Variants in ADAMTS19 observed in about 807,000 individuals in gnomAD.
ADAMTS19 encodes the protein A disintegrin and metalloproteinase with thrombospondin motifs 19.
In ADAMTS19, 93 loss-of-function variants were observed where a neutral mutation model predicts 153.3. That is an observed-to-expected ratio of 0.61 (90% CI 0.51 to 0.72). ADAMTS19 has a LOEUF of 0.72. ADAMTS19 is among the 30% of genes least tolerant of loss of function. The pLI is 0.00. For missense variants in ADAMTS19, 1,482 were observed against 1,552.1 expected (o/e 0.95, Z 0.76); for synonymous variants, 600 against 556.6 (o/e 1.08, Z -1.10).
chr5:129,684,407 TATG>T (rs1442160491), intron 18 of ADAMTS19, 134 bp downstream of exon 18: 1 of 1,179,322 alleles, frequency 8.5e-7, no homozygotes, highest in Non-Finnish European at 1.2e-6. Flanking sequence ...GAAAGTTTTA[TATG>T]ATATGTTTAG....
chr5:129,633,826 T>G (rs1423392077), intron 10 of ADAMTS19, among the ~76,000 whole-genome samples: 1 of 152,194 alleles, frequency 6.6e-6, no homozygotes, highest in African/African-American at 2.4e-5. Flanking sequence ...TGTGTATGTA[T>G]GGGTCAGTTG....
At chr5:129,686,732 A>G (rs1755109733) in intron 18 of ADAMTS19, among the ~76,000 whole-genome samples, 1 of 152,166 alleles carries the variant, frequency 6.6e-6, no homozygotes, top group Non-Finnish European at 1.5e-5. Flanking sequence ...TGACTCCAGG[A>G]GCATCTTTGC....
intron 3 of ADAMTS19, among the ~76,000 whole-genome samples, chr5:129,516,668 T>C (rs1751622411): frequency 1.3e-5 from 2 of 151,914 alleles, no homozygotes; most frequent in African/African-American, 4.8e-5. Context: ...CTGATTTTAT[T>C]TGTTTGGACC....
chr5:129,599,358 AAT>A (rs1750532128), intron 8 of ADAMTS19, among the ~76,000 whole-genome samples: 1 of 152,156 alleles, frequency 6.6e-6, no homozygotes, highest in South Asian at 2.1e-4. Flanking sequence ...TGTCATCATA[AAT>A]ATAATTCTCA....
In ADAMTS19 at chr5:129,685,247, A is replaced by G. The variant is rs377450957; in HGVS notation, c.2818+974A>G. Among the ~76,000 whole-genome samples the G allele has an allele frequency of 7.5e-4, 114 of 152,182 alleles. 2 individuals carry two copies. In the South Asian group the frequency reaches 0.023, roughly 31 times the overall value. ...TCCATATATTCTTTATCTGTAGACTAATATTGAGTGAAGAGAGAGAGAAGC... is the reference window on the plus strand; with the variant it reads ...TCCATATATTCTTTATCTGTAGACTGATATTGAGTGAAGAGAGAGAGAAGC... On this transcript the variant is annotated intron_variant, in intron 18 of 22. Transcript: ENST00000274487.
intron 10 of ADAMTS19, among the ~76,000 whole-genome samples, chr5:129,638,549 G>A (rs30689): frequency 0.19 from 28,276 of 148,916 alleles, 3,138 homozygotes; most frequent in East Asian, 0.35. Flanking sequence ...TCCTATTTTA[G>A]TACTCTCTGT....
intron 6 of ADAMTS19, among the ~76,000 whole-genome samples, chr5:129,533,500 C>T (rs1008565302): frequency 3.3e-5 from 5 of 152,106 alleles, no homozygotes; most frequent in Admixed American, 2.6e-4. Context: ...CTTCATTAGT[C>T]TTGCGAGTGG....
intron 16 of ADAMTS19, among the ~76,000 whole-genome samples, chr5:129,667,007 C>G (rs1307220871): frequency 6.6e-6 from 1 of 152,168 alleles, no homozygotes; most frequent in Non-Finnish European, 1.5e-5. Flanking sequence ...TTCATGCTGT[C>G]TCCAATTTCT....
At chr5:129,674,444 A>G (rs1471348120) in intron 16 of ADAMTS19, among the ~76,000 whole-genome samples, 1 of 151,976 alleles carries the variant, frequency 6.6e-6, no homozygotes, top group East Asian at 1.9e-4. Context: ...TTTGTTTTCT[A>G]TTTGTTCCAT....
At chr5:129,654,535 A>G in intron 14 of ADAMTS19, 102 bp downstream of exon 14, 2 of 1,333,938 alleles carry the variant, frequency 1.5e-6, no homozygotes, top group Non-Finnish European at 2.1e-6. Context: ...CTTAGATTCA[A>G]AAGATGTTGC....
chr5:129,542,899 G>A (rs1752704070), intron 6 of ADAMTS19, among the ~76,000 whole-genome samples: 1 of 151,990 alleles, frequency 6.6e-6, no homozygotes, highest in African/African-American at 2.4e-5. Context: ...AGACTTTTAA[G>A]GAGTATGGAA....
At chr5:129,567,947 A>G (rs1233983796) in intron 7 of ADAMTS19, among the ~76,000 whole-genome samples, 1 of 152,196 alleles carries the variant, frequency 6.6e-6, no homozygotes, top group Non-Finnish European at 1.5e-5. Context: ...GGAAACAGTG[A>G]TTCCAATGAC....
At chr5:129,470,180 T>G (rs1331964876) in intron 2 of ADAMTS19, among the ~76,000 whole-genome samples, 2 of 152,242 alleles carry the variant, frequency 1.3e-5, no homozygotes, top group African/African-American at 4.8e-5. Flanking sequence ...TCATATAGTA[T>G]TCTTTTAAAT....
At chr5:129,609,795 T>C (rs1322881794) in intron 8 of ADAMTS19, among the ~76,000 whole-genome samples, 1 of 152,152 alleles carries the variant, frequency 6.6e-6, no homozygotes, top group Non-Finnish European at 1.5e-5. Context: ...TTGGAAGAGA[T>C]AGCTTTCTGT....
intron 21 of ADAMTS19, among the ~76,000 whole-genome samples, chr5:129,711,085 G>C (rs1384475220): frequency 6.6e-6 from 1 of 152,094 alleles, no homozygotes; most frequent in African/African-American, 2.4e-5. Flanking sequence ...GTGAGAATTT[G>C]TATAGCTTCC....
chr5:129,672,194 G>A (rs1050234297), intron 16 of ADAMTS19, among the ~76,000 whole-genome samples: 1 of 152,026 alleles, frequency 6.6e-6, no homozygotes, highest in Non-Finnish European at 1.5e-5. Context: ...ACTCTTATAA[G>A]AACACTAATC....
At chr5:129,501,568 G>C (rs1192763498) in intron 2 of ADAMTS19, among the ~76,000 whole-genome samples, 1 of 152,000 alleles carries the variant, frequency 6.6e-6, no homozygotes, top group Non-Finnish European at 1.5e-5. Flanking sequence ...TATATGGCAG[G>C]CCTACCCTTT....
intron 17 of ADAMTS19, among the ~76,000 whole-genome samples, chr5:129,682,142 C>T (rs1754847496): frequency 6.6e-6 from 1 of 152,066 alleles, no homozygotes; most frequent in South Asian, 2.1e-4. Flanking sequence ...CTGGTAATTA[C>T]CAAGGTTTTT....
At chr5:129,662,325 TG>T (rs1753848835) in intron 15 of ADAMTS19, among the ~76,000 whole-genome samples, 1 of 152,214 alleles carries the variant, frequency 6.6e-6, no homozygotes, top group South Asian at 2.1e-4. Flanking sequence ...ACTGGCTTCA[TG>T]ATCCAACTTC....
Sources: allele counts gnomAD v4.1 joint callset (sites outside exome capture counted in the v4.1 genomes callset), GRCh38; gene constraint gnomAD v4.1.1; transcripts MANE v1.5; gene names NCBI Gene and HGNC (gene_info 2026-07-23, HGNC 2026-07-21).